The following USP33 variants were observed in gnomAD, a reference collection of about 807,000 sequenced individuals.
The protein encoded by USP33 is ubiquitin specific peptidase 33, also known as ubiquitin carboxyl-terminal hydrolase 33.
A neutral mutation model predicts 124.2 loss-of-function variants in USP33; 46 were observed. That is an observed-to-expected ratio of 0.37 (90% CI 0.29 to 0.47). USP33 has a LOEUF of 0.47. Among genes scored for constraint, USP33 ranks in the 20% least tolerant of loss-of-function variants. USP33 has a pLI of 0.99. For missense variants in USP33, 851 were observed against 1,070.6 expected, an observed-to-expected ratio of 0.79 and a Z score of 2.86; for synonymous variants, 350 against 352.3, an observed-to-expected ratio of 0.99 and a Z score of 0.07.
chr1:77,735,360 A>G (rs1678320003), intron 6 of USP33, among the ~76,000 whole-genome samples: 1 of 152,198 alleles, frequency 6.6e-6, no homozygotes, highest in African/African-American at 2.4e-5. Flanking sequence ...AGCAAAATGA[A>G]GAAAATTTAA....
intron 4 of USP33, among the ~76,000 whole-genome samples, chr1:77,739,968 A>G (rs1210462707): frequency 6.6e-6 from 1 of 152,244 alleles, no homozygotes; most frequent in East Asian, 1.9e-4. Context: ...GCACAGAAAG[A>G]GGCAAATGAT....
intron 6 of USP33, among the ~76,000 whole-genome samples, chr1:77,735,550 T>G (rs552048266): frequency 9.2e-5 from 14 of 152,206 alleles, no homozygotes; most frequent in African/African-American, 2.9e-4. Flanking sequence ...TATCTAAATA[T>G]ACATTCAATG....
intron 19 of USP33, among the ~76,000 whole-genome samples, chr1:77,714,388 G>A (rs1470315214): frequency 1.3e-5 from 2 of 152,118 alleles, no homozygotes; most frequent in Non-Finnish European, 2.9e-5. Flanking sequence ...AAAAAGTTTA[G>A]AAAGCATGTA....
intron 21 of USP33, among the ~76,000 whole-genome samples, chr1:77,709,557 C>A (rs1284123750): frequency 1.3e-5 from 2 of 150,344 alleles, no homozygotes; most frequent in African/African-American, 4.9e-5. Flanking sequence ...AGATACATAT[C>A]TATATATCTA....
In USP33 at chr1:77,737,035, A is replaced by C. The variant is rs144694477; in HGVS notation, c.352-877T>G. Among the ~76,000 whole-genome samples, 222 of 152,198 alleles carry C rather than the reference A, an allele frequency of 1.5e-3. 2 individuals are homozygous for C. The highest frequency in any genetic ancestry group is 5.1e-3 in the African/African-American group (212 of 41,542). ...TAACCTGTTAGCCAAATGCTAGTAA[A>C]CACTTTAAAAAAAAAAACGAAAAAA... On this transcript the variant is annotated intron_variant, in intron 5 of 23. Coordinates refer to ENST00000370794, the MANE Select transcript of USP33 (RefSeq NM_201624.3).
chr1:77,734,784 G>C (rs1480202664), intron 6 of USP33, among the ~76,000 whole-genome samples: 2 of 152,152 alleles, frequency 1.3e-5, no homozygotes, highest in Non-Finnish European at 2.9e-5. Context: ...CATGATAAAT[G>C]ATAAGCAAAC....
At chr1:77,709,293 G>C (rs909328928) in intron 21 of USP33, among the ~76,000 whole-genome samples, 10 of 152,094 alleles carry the variant, frequency 6.6e-5, no homozygotes. Flanking sequence ...AAAATCACTT[G>C]AGGCCAGGAA....
chr1:77,707,502 A>C (rs1674761607), intron 21 of USP33, among the ~76,000 whole-genome samples: 1 of 152,162 alleles, frequency 6.6e-6, no homozygotes, highest in South Asian at 2.1e-4. Flanking sequence ...CCCTTTTTTC[A>C]AGTAAGGTCA....
intron 1 of USP33, chr1:77,746,568 A>C (rs1679762427): frequency 6.6e-6 from 1 of 152,212 alleles, no homozygotes; most frequent in African/African-American, 2.4e-5. Context: ...TGGTATAGAC[A>C]CAACAAAAAA....
chr1:77,743,654 A>G (rs1279162823), intron 1 of USP33, among the ~76,000 whole-genome samples: 1 of 152,114 alleles, frequency 6.6e-6, no homozygotes, highest in African/African-American at 2.4e-5. Flanking sequence ...CAAGCCAGAG[A>G]AAAAAACCAC....
Position 77,741,447 on chromosome 1 carries a change from A to G in USP33, c.82-18T>C. The G allele has an allele frequency of 6.3e-7, 1 of 1,599,296 alleles. No individual in the cohort carries two copies. Among genetic ancestry groups the G allele is most frequent in the Non-Finnish European group, 8.5e-7 (1 of 1,175,864 alleles). ...CAAGTACCCTATAAAAAGAAATTAA[A>G]AAGACAACATTGGTTATATTGACAC... On this transcript the variant is annotated intron_variant, in intron 2 of 23. Transcript: ENST00000370794.
chr1:77,739,391 G>T lies in USP33; in HGVS notation c.225C>A (p.Asn75Lys). Residue 75 changes from asparagine (N) to lysine (K), a missense_variant, in exon 5 of 24, where the codon AAC becomes AAA. Asn to Lys is a moderately conservative substitution (Grantham distance 94). Transcript: ENST00000370794. The stretch of plus-strand genomic sequence containing the variant: ...AACACCATACTCGAAGAGTGGTAAG[G>T]TTCACAGTTAGATAATGCTTTGTCT... Reference protein sequence around the residue: ...SQETKHYLTVNLTTLRVWCYA... With the variant: ...SQETKHYLTVKLTTLRVWCYA... The T allele has an allele frequency of 6.2e-7, 1 of 1,611,716 alleles. No homozygotes were observed. Among genetic ancestry groups the T allele is most frequent in the Non-Finnish European group, 8.5e-7 (1 of 1,179,110 alleles).
At chr1:77,736,874 C>T (rs936937283) in intron 5 of USP33, among the ~76,000 whole-genome samples, 3 of 152,122 alleles carry the variant, frequency 2.0e-5, no homozygotes, top group African/African-American at 7.2e-5. Flanking sequence ...TCCCAAAATG[C>T]TGGGATTACA....
chr1:77,736,832 T>G (rs867112798), intron 5 of USP33, among the ~76,000 whole-genome samples: 51 of 152,014 alleles, frequency 3.4e-4, no homozygotes, highest in African/African-American at 1.2e-3. Flanking sequence ...ATGGTCTTGA[T>G]CTCTTGACCT....
chr1:77,714,891 T>C, intron 18 of USP33, 108 bp from the exon 19 acceptor site: 1 of 1,141,064 alleles, frequency 8.8e-7, no homozygotes, highest in Non-Finnish European at 1.3e-6. Flanking sequence ...CTATCTTTAT[T>C]AGGTCTTGGG....
chr1:77,749,407 A>T (rs183360014), intron 1 of USP33, among the ~76,000 whole-genome samples: 2 of 150,324 alleles, frequency 1.3e-5, no homozygotes, highest in Admixed American at 1.3e-4. Context: ...TTGGAGACGG[A>T]GTCTCGCTCT....
At chr1:77,730,771 G>A in intron 7 of USP33, 40 bp from the exon 8 acceptor site, 1 of 1,342,180 alleles carries the variant, frequency 7.5e-7, no homozygotes, top group Non-Finnish European at 1.0e-6. Context: ...TGGAGTCAAA[G>A]CTAATACTGA....
At chr1:77,703,560 G>T (rs1223107059) in intron 21 of USP33, among the ~76,000 whole-genome samples, 1 of 152,152 alleles carries the variant, frequency 6.6e-6, no homozygotes, top group Non-Finnish European at 1.5e-5. Context: ...GGACGAGAAG[G>T]TTGCAGTGGG....
intron 11 of USP33, among the ~76,000 whole-genome samples, chr1:77,723,885 C>T (rs895204236): frequency 2.0e-5 from 3 of 151,854 alleles, no homozygotes; most frequent in East Asian, 1.9e-4. Flanking sequence ...AGGATAGTCT[C>T]GATCTCCTGA....
Sources: gnomAD v4.1 joint callset for allele counts (sites outside exome capture counted in the v4.1 genomes callset) on GRCh38, gnomAD v4.1.1 for gene constraint, MANE v1.5 for transcripts, NCBI Gene and HGNC (gene_info 2026-07-23, HGNC 2026-07-21) for gene names.